The following DYM variants were observed in gnomAD, a reference collection of about 807,000 sequenced individuals.
The protein encoded by DYM is dyggve-Melchior-Clausen syndrome protein.
Under a neutral mutation model 93.1 loss-of-function variants are expected in DYM, and 78 were observed. The ratio of observed to expected loss-of-function variants is 0.84; its 90% CI spans 0.70 to 1.01. DYM has a LOEUF of 1.01. Among genes scored for constraint, DYM ranks in the 50% least tolerant of loss-of-function variants. DYM has a pLI of 0.00. For missense variants in DYM, 789 were observed against 845.0 expected, an observed-to-expected ratio of 0.93 and a Z score of 0.82; for synonymous variants, 321 against 319.7, an observed-to-expected ratio of 1.00 and a Z score of -0.04.
At chr18:49,414,127 G>A (rs1271851540) in intron 2 of DYM, among the ~76,000 whole-genome samples, 1 of 152,102 alleles carries the variant, frequency 6.6e-6, no homozygotes, top group African/African-American at 2.4e-5. Context: ...CAAATTCATA[G>A]AGACAGAAAG....
At chr18:49,248,976 G>C (rs191707917) in intron 13 of DYM, among the ~76,000 whole-genome samples, 48 of 152,310 alleles carry the variant, frequency 3.2e-4, no homozygotes, top group African/African-American at 1.1e-3. Context: ...TGGGAGGCAG[G>C]TGGAATCAGG....
intron 15 of DYM, among the ~76,000 whole-genome samples, chr18:49,158,557 T>C (rs2086697918): frequency 6.6e-6 from 1 of 152,222 alleles, no homozygotes; most frequent in Admixed American, 6.5e-5. Flanking sequence ...TTAAATTACC[T>C]ACCCCAGCCT....
chr18:49,108,433 T>G (rs977558086), intron 16 of DYM, among the ~76,000 whole-genome samples: 2 of 152,220 alleles, frequency 1.3e-5, no homozygotes, highest in Non-Finnish European at 2.9e-5. Context: ...TTTCCGGCAC[T>G]CCCCAATGAG....
chr18:49,160,428 A>C (rs1169687616), intron 15 of DYM, among the ~76,000 whole-genome samples: 1 of 152,190 alleles, frequency 6.6e-6, no homozygotes, highest in Non-Finnish European at 1.5e-5. Flanking sequence ...TTTCTTAATA[A>C]ACTTAGAAAT....
chr18:49,392,882 C>G (rs2069448695), intron 2 of DYM, among the ~76,000 whole-genome samples: 1 of 150,546 alleles, frequency 6.6e-6, no homozygotes, highest in Non-Finnish European at 1.5e-5. Context: ...GTGATCCCAG[C>G]TACTTGGGAG....
At chr18:49,437,695 C>T (rs1284901055) in intron 1 of DYM, among the ~76,000 whole-genome samples, 1 of 152,134 alleles carries the variant, frequency 6.6e-6, no homozygotes, top group African/African-American at 2.4e-5. Flanking sequence ...CCAGCAACGC[C>T]TATTTCTCTA....
intron 1 of DYM, among the ~76,000 whole-genome samples, chr18:49,438,323 G>A (rs78290646): frequency 6.6e-6 from 1 of 152,106 alleles, no homozygotes; most frequent in African/African-American, 2.4e-5. Flanking sequence ...AAAGAGTACA[G>A]TGCCTCCTTC....
chr18:49,165,158 ATAT>A (rs1189675038), intron 14 of DYM, among the ~76,000 whole-genome samples: 1 of 152,158 alleles, frequency 6.6e-6, no homozygotes, highest in African/African-American at 2.4e-5. Context: ...CTTAAGAACA[ATAT>A]TATTATTACT....
At chr18:49,440,548 T>A (rs1218940499) in intron 1 of DYM, among the ~76,000 whole-genome samples, 4 of 2,418 alleles carry the variant, frequency 1.7e-3, no homozygotes, top group African/African-American at 1.9e-3. Context: ...TATTATATAT[T>A]TATATAATAT....
At chr18:49,185,739 C>T (rs2090373868) in intron 14 of DYM, among the ~76,000 whole-genome samples, 1 of 152,166 alleles carries the variant, frequency 6.6e-6, no homozygotes. Context: ...CTCGTTTAAT[C>T]CTGGCCTCAA....
At chr18:49,425,957 A>G (rs991755402) in intron 2 of DYM, among the ~76,000 whole-genome samples, 5 of 152,074 alleles carry the variant, frequency 3.3e-5, no homozygotes, top group Admixed American at 6.5e-5. Flanking sequence ...GGGACTGTAA[A>G]CTAGTTCAAC....
chr18:49,404,583 T>G (rs552498635), intron 2 of DYM, among the ~76,000 whole-genome samples: 1 of 152,288 alleles, frequency 6.6e-6, no homozygotes, highest in East Asian at 1.9e-4. Context: ...CCAGCATCTG[T>G]TATTTTTTGA....
chr18:49,378,405 TTTAAA>T (rs1159668190), intron 5 of DYM, among the ~76,000 whole-genome samples, 157 bp downstream of exon 5: 1 of 152,184 alleles, frequency 6.6e-6, no homozygotes, highest in Non-Finnish European at 1.5e-5. Context: ...TCTTGACTCA[TTTAAA>T]TTAACACAGA....
intron 17 of DYM, chr18:49,049,897 G>C (rs2072166347): frequency 6.5e-6 from 1 of 154,164 alleles, no homozygotes; most frequent in African/African-American, 2.4e-5. Context: ...CTGACAAATG[G>C]CTTAAAGGCA....
At chr18:49,188,204 T>C (rs1296778426) in intron 14 of DYM, among the ~76,000 whole-genome samples, 1 of 152,156 alleles carries the variant, frequency 6.6e-6, no homozygotes, top group African/African-American at 2.4e-5. Flanking sequence ...CACCACCAGT[T>C]TGACTGTGGA....
chr18:49,061,704 G>T (rs1048553581), intron 17 of DYM, among the ~76,000 whole-genome samples: 1 of 152,218 alleles, frequency 6.6e-6, no homozygotes, highest in Non-Finnish European at 1.5e-5. Context: ...GAGGAGAGCT[G>T]GCAGTGCCAC....
intron 14 of DYM, among the ~76,000 whole-genome samples, chr18:49,196,833 G>A (rs2091499741): frequency 6.6e-6 from 1 of 152,196 alleles, no homozygotes; most frequent in Non-Finnish European, 1.5e-5. Context: ...AATTAGGGGT[G>A]AGGGTGGGGT....
intron 2 of DYM, among the ~76,000 whole-genome samples, chr18:49,405,866 GT>G (rs1205545438): frequency 1.3e-5 from 2 of 152,126 alleles, no homozygotes; most frequent in African/African-American, 4.8e-5. Context: ...AATATGGAAT[GT>G]TTTTCCATTT....
At chr18:49,292,278 T>G (rs1185506624) in intron 8 of DYM, among the ~76,000 whole-genome samples, 1 of 147,750 alleles carries the variant, frequency 6.8e-6, no homozygotes, top group Non-Finnish European at 1.5e-5. Flanking sequence ...TTCTCCATCT[T>G]TCCCTGAATC....
Sources: allele counts gnomAD v4.1 joint callset (sites outside exome capture counted in the v4.1 genomes callset), GRCh38; gene constraint gnomAD v4.1.1; transcripts MANE v1.5; gene names NCBI Gene and HGNC (gene_info 2026-07-23, HGNC 2026-07-21).